HEYL: variants seen among roughly 807,000 people sequenced by gnomAD.
HEYL encodes hes related family bHLH transcription factor with YRPW motif like.
Under a neutral mutation model 18.6 loss-of-function variants are expected in HEYL, and 12 were observed. The ratio of observed to expected loss-of-function variants is 0.65; its 90% CI spans 0.41 to 1.05. The LOEUF (loss-of-function observed/expected upper bound fraction) is 1.05, where lower values mean the gene tolerates loss of function less well. Ranked by LOEUF, HEYL falls within the 50% of genes least tolerant of loss-of-function variation. The probability of loss-of-function intolerance (pLI) is 0.00; values close to 1 mark genes in which losing one functional copy is unlikely to be tolerated. For synonymous variants in HEYL, 159 were observed against 179.6 expected (o/e 0.89, Z 0.91); for missense variants, 420 against 444.7 (o/e 0.94, Z 0.50).
intron 1 of HEYL, 48 bp downstream of exon 1, chr1:39,639,498 C>T (rs1023046879): frequency 1.0e-5 from 15 of 1,488,214 alleles, no homozygotes; most frequent in Non-Finnish European, 1.4e-5. Context: ...GGCCGACCCC[C>T]ACCCCGCTCG....
chr1:39,631,013 G>A (rs1349433129), intron 3 of HEYL, among the ~76,000 whole-genome samples: 2 of 152,214 alleles, frequency 1.3e-5, no homozygotes, highest in Non-Finnish European at 2.9e-5. Context: ...GAGAATTTCT[G>A]AGGCTGAGTC....
At chr1:39,630,010 G>A (rs549031253) in intron 4 of HEYL, among the ~76,000 whole-genome samples, 1 of 152,340 alleles carries the variant, frequency 6.6e-6, no homozygotes, top group African/African-American at 2.4e-5. Context: ...TAAGACTGGA[G>A]GGAGCTGAAC....
In HEYL at chr1:39,624,838, G is replaced by A. The variant is rs575964222; in HGVS notation, c.*1669C>T. The stretch of plus-strand genomic sequence containing the variant: ...GGTGCTTTCCTCTTTATCTCTCCTT[G>A]AGGAGTCTGTCTTTTCAAAAGAGCT... On this transcript the variant is annotated 3_prime_UTR_variant, in exon 5 of 5. Coordinates refer to ENST00000372852, the MANE Select transcript of HEYL (RefSeq NM_014571.4). 7 of 152,322 alleles carry A rather than the reference G, an allele frequency of 4.6e-5. No individual in the cohort carries two copies. In the South Asian group the frequency reaches 6.2e-4, roughly 14 times the overall value. 9.4% of individuals were successfully genotyped at this position (152,322 alleles called of 1,614,324 possible).
Position 39,626,668 on chromosome 1 carries a change from G to A in HEYL, c.826C>T (p.Leu276=), listed in dbSNP as rs1431042742. ...AARSSHIAPL[L]QSSSPTPPGP... is the part of the protein sequence containing the mutation. Reference sequence around the variant, plus strand: ...GGGGGTGTTGGGGAGGAAGACTGCAGGAGGGGAGCGATGTGGCTGCTCCTG... The same window carrying A: ...GGGGGTGTTGGGGAGGAAGACTGCAAGAGGGGAGCGATGTGGCTGCTCCTG... Residue 276 remains leucine, a synonymous_variant, in exon 5 of 5, where the codon CTG becomes TTG. Coordinates refer to ENST00000372852, the MANE Select transcript of HEYL (RefSeq NM_014571.4). 38 of 1,521,546 alleles carry A rather than the reference G, an allele frequency of 2.5e-5. No homozygotes were observed. The highest frequency in any genetic ancestry group is 3.4e-5 in the Non-Finnish European group (38 of 1,134,024). 94.3% of individuals were successfully genotyped at this position (1,521,546 alleles called of 1,614,324 possible).
chr1:39,627,832 A>G, intron 4 of HEYL, among the ~76,000 whole-genome samples: 1 of 152,222 alleles, frequency 6.6e-6, no homozygotes, highest in East Asian at 1.9e-4. Flanking sequence ...AGTGCACAGA[A>G]AATGCTGAAT....
At position 39,626,634 on chromosome 1, in the gene HEYL, G is replaced by A; in HGVS notation, c.860C>T (p.Thr287Ile). The A allele has an allele frequency of 6.5e-7, 1 of 1,544,360 alleles. No homozygotes were observed. The highest frequency in any genetic ancestry group is 8.7e-7 in the Non-Finnish European group (1 of 1,147,704). Residue 287 changes from threonine to isoleucine, a missense_variant, in exon 5 of 5, where the codon ACA (threonine) becomes ATA (isoleucine). Transcript: ENST00000372852. ...QSSSPTPPGP[T>I]GSAAYVAVPT... ...AACAGCCACGTAAGCAGCCGACCCTGTAGGACCAGGGGGTGTTGGGGAGGA... is the reference window on the plus strand; with the variant it reads ...AACAGCCACGTAAGCAGCCGACCCTATAGGACCAGGGGGTGTTGGGGAGGA...
chr1:39,635,496 TC>T (rs1436363467), intron 1 of HEYL, among the ~76,000 whole-genome samples: 4 of 152,222 alleles, frequency 2.6e-5, no homozygotes, highest in Non-Finnish European at 4.4e-5. Context: ...TTTTCCAATC[TC>T]CTGGTCAGCT....
chr1:39,630,877 G>A (rs755585590), intron 3 of HEYL, among the ~76,000 whole-genome samples: 1 of 152,254 alleles, frequency 6.6e-6, no homozygotes, highest in Non-Finnish European at 1.5e-5. Context: ...CTTGAGGGCA[G>A]ATACTAGGTC....
intron 1 of HEYL, chr1:39,633,001 C>A: frequency 1.0e-6 from 1 of 975,094 alleles, no homozygotes; most frequent in Non-Finnish European, 1.2e-6. Flanking sequence ...GCGGTGGCTC[C>A]GGCTCCTGCA....
At chr1:39,631,072 T>C (rs1342771883) in intron 3 of HEYL, among the ~76,000 whole-genome samples, 1 of 152,236 alleles carries the variant, frequency 6.6e-6, no homozygotes, top group African/African-American at 2.4e-5. Flanking sequence ...TGCTCAATGG[T>C]AGAGTGCTCA....
chr1:39,639,214 A>G (rs1646374846), intron 1 of HEYL, among the ~76,000 whole-genome samples: 2 of 152,160 alleles, frequency 1.3e-5, no homozygotes, highest in South Asian at 2.1e-4. Context: ...AGAGTTTTCT[A>G]AGATCTCCAG....
At chr1:39,639,462 G>A in intron 1 of HEYL, 84 bp downstream of exon 1, 1 of 1,203,306 alleles carries the variant, frequency 8.3e-7, no homozygotes, top group Non-Finnish European at 1.2e-6. Flanking sequence ...CTGGAGGGCT[G>A]GCCCGCCTGC....
intron 4 of HEYL, among the ~76,000 whole-genome samples, chr1:39,628,577 C>T (rs561444221): frequency 6.6e-6 from 1 of 151,324 alleles, no homozygotes; most frequent in African/African-American, 2.4e-5. Context: ...CTGCGCCTGG[C>T]CTTTGCTGTT....
chr1:39,639,080 T>C (rs1272134436), intron 1 of HEYL, among the ~76,000 whole-genome samples: 4 of 152,178 alleles, frequency 2.6e-5, no homozygotes, highest in South Asian at 2.1e-4. Context: ...AATTTTCTTC[T>C]TCCTGAAATA....
chr1:39,624,638 ATG>A lies in HEYL; in HGVS notation c.*1867_*1868del, dbSNP rs1312716877. The stretch of plus-strand genomic sequence containing the variant: ...TGTCCCTGTCCCCAATCCTGGGAGC[ATG>A]TGTGAGTTCTGTCTTCCTTCTACCA... On this transcript the variant is annotated 3_prime_UTR_variant, in exon 5 of 5. Coordinates refer to ENST00000372852, the MANE Select transcript of HEYL (RefSeq NM_014571.4). 3 of 152,366 alleles carry A rather than the reference ATG, an allele frequency of 2.0e-5. No individual in the cohort carries two copies. Among genetic ancestry groups the A allele is most frequent in the Non-Finnish European group, 4.4e-5 (3 of 68,142 alleles). The allele number at this position is 152,366 out of a possible 1,614,324, so 9.4% of individuals were successfully genotyped here. A position where few individuals can be genotyped will look rare whatever the true frequency, so the allele number is the denominator to read the frequency against.
chr1:39,626,636 A>G lies in HEYL; in HGVS notation c.858T>C (p.Pro286=). Residue 286 remains proline (P), a synonymous_variant, in exon 5 of 5, where the codon CCT becomes CCC. Coordinates refer to ENST00000372852, the MANE Select transcript of HEYL (RefSeq NM_014571.4). The part of the protein sequence containing the change: ...LQSSSPTPPG[P]TGSAAYVAVP... ...CAGCCACGTAAGCAGCCGACCCTGT[A>G]GGACCAGGGGGTGTTGGGGAGGAAG... The G allele has an allele frequency of 1.9e-6, 3 of 1,544,008 alleles. No homozygotes were observed. The highest frequency in any genetic ancestry group is 2.6e-6 in the Non-Finnish European group (3 of 1,147,698).
chr1:39,633,115 A>C (rs1443847646), intron 1 of HEYL: 2 of 983,826 alleles, frequency 2.0e-6, no homozygotes, highest in Non-Finnish European at 2.4e-6. Context: ...CGAGCGTGGA[A>C]AGAGCAGATG....
Position 39,627,111 on chromosome 1 carries a change from A to T in HEYL, c.383T>A (p.Val128Asp). 6.2e-7 allele frequency: 1 copy of T among 1,614,086 alleles called. No individual in the cohort carries two copies. The highest frequency in any genetic ancestry group is 8.5e-7 in the Non-Finnish European group (1 of 1,179,982). ...TTCAAGGACCCCCAGGTACCTGATG[A>T]CCTCAGTGAGGCACTCCCGAAAACC... ...SIGFRECLTE[V>D]IRYLGVLEGP... Residue 128 changes from valine to aspartate, a missense_variant, in exon 5 of 5, where the codon GTC (valine) becomes GAC (aspartate). Transcript: ENST00000372852.
chr1:39,632,785 G>T, intron 1 of HEYL, 70 bp from the exon 2 acceptor site: 1 of 1,586,396 alleles, frequency 6.3e-7, no homozygotes, highest in South Asian at 1.1e-5. Flanking sequence ...CCGACCTCGG[G>T]CCAGGAGGAG....
Sources: allele counts gnomAD v4.1 joint callset (sites outside exome capture counted in the v4.1 genomes callset), GRCh38; gene constraint gnomAD v4.1.1; transcripts MANE v1.5; gene names NCBI Gene and HGNC (gene_info 2026-07-23, HGNC 2026-07-21).